FRMD5: variants seen among roughly 807,000 people sequenced by gnomAD.
FRMD5 encodes the protein FERM domain containing 5.
FRMD5 carries 20 observed loss-of-function variants against 69.0 expected under a neutral mutation model. That is an observed-to-expected ratio of 0.29 (90% confidence interval 0.20 to 0.42). FRMD5 has a LOEUF of 0.42. FRMD5 is among the 10% of genes least tolerant of loss of function. The pLI is 1.00. For synonymous variants in FRMD5, 271 were observed against 260.1 expected (o/e 1.04, Z -0.40); for missense variants, 595 against 708.6 (o/e 0.84, Z 1.82).
chr15:44,090,071 T>A (rs772822148), intron 1 of FRMD5, among the ~76,000 whole-genome samples: 1 of 152,140 alleles, frequency 6.6e-6, no homozygotes, highest in Admixed American at 6.6e-5. Flanking sequence ...ACTTAATCTA[T>A]GTTTAGGGAG....
intron 1 of FRMD5, among the ~76,000 whole-genome samples, chr15:44,133,987 G>C (rs1157230676): frequency 6.6e-6 from 1 of 152,122 alleles, no homozygotes; most frequent in Non-Finnish European, 1.5e-5. Flanking sequence ...GAATAAAAGG[G>C]AGAGAACTCT....
At chr15:44,147,399 G>A (rs138790325) in intron 1 of FRMD5, among the ~76,000 whole-genome samples, 4,899 of 152,138 alleles carry the variant, frequency 0.032, 243 homozygotes, top group African/African-American at 0.1. Context: ...GTTTCAAGTC[G>A]GGTAGCGTGA....
intron 1 of FRMD5, chr15:44,194,548 C>A: frequency 3.3e-6 from 1 of 304,222 alleles, no homozygotes. Context: ...GCCATACGTC[C>A]TTGCCCGGGC....
At chr15:44,062,935 C>T (rs902423130) in intron 1 of FRMD5, among the ~76,000 whole-genome samples, 1 of 152,084 alleles carries the variant, frequency 6.6e-6, no homozygotes, top group African/African-American at 2.4e-5. Context: ...ATATGTGGGT[C>T]CATTTCTGGA....
intron 1 of FRMD5, among the ~76,000 whole-genome samples, chr15:43,926,703 C>T (rs530993164): frequency 6.6e-6 from 1 of 151,708 alleles, no homozygotes; most frequent in African/African-American, 2.4e-5. Flanking sequence ...GTGGGCAACA[C>T]CCCTCCTCTT....
intron 1 of FRMD5, among the ~76,000 whole-genome samples, chr15:44,033,015 A>G (rs1049506058): frequency 1.3e-5 from 2 of 152,244 alleles, no homozygotes; most frequent in African/African-American, 4.8e-5. Context: ...ACACCATGGA[A>G]TACTATGCAG....
intron 13 of FRMD5, among the ~76,000 whole-genome samples, chr15:43,881,850 A>G (rs1484136630): frequency 6.6e-6 from 1 of 152,206 alleles, no homozygotes; most frequent in Non-Finnish European, 1.5e-5. Flanking sequence ...ACAGTGACAC[A>G]TCCTAAAATC....
intron 4 of FRMD5, among the ~76,000 whole-genome samples, chr15:43,915,927 C>T (rs897760427): frequency 6.6e-6 from 1 of 152,062 alleles, no homozygotes; most frequent in African/African-American, 2.4e-5. Flanking sequence ...TGAGGCTGGG[C>T]CCGGTATCTC....
chr15:44,097,676 T>C (rs768870452), intron 1 of FRMD5, among the ~76,000 whole-genome samples: 2 of 152,176 alleles, frequency 1.3e-5, no homozygotes, highest in African/African-American at 4.8e-5. Context: ...TAGTAATTTG[T>C]CTAATGTGTG....
chr15:44,044,190 T>C (rs1892329286), intron 1 of FRMD5, among the ~76,000 whole-genome samples: 1 of 152,148 alleles, frequency 6.6e-6, no homozygotes, highest in South Asian at 2.1e-4. Context: ...TCACTGGTCA[T>C]TAGAGAAATG....
intron 1 of FRMD5, among the ~76,000 whole-genome samples, chr15:44,062,037 G>A (rs955341192): frequency 6.6e-6 from 1 of 152,146 alleles, no homozygotes; most frequent in Admixed American, 6.5e-5. Context: ...GAAATTGTAG[G>A]TTAGATACAA....
At chr15:43,877,862 C>T (rs2088408028) in intron 13 of FRMD5, among the ~76,000 whole-genome samples, 1 of 152,232 alleles carries the variant, frequency 6.6e-6, no homozygotes, top group African/African-American at 2.4e-5. Context: ...ATCCAAGCCG[C>T]TTTCTAGTTC....
At chr15:44,143,735 C>G (rs913883556) in intron 1 of FRMD5, among the ~76,000 whole-genome samples, 1 of 151,258 alleles carries the variant, frequency 6.6e-6, no homozygotes, top group Non-Finnish European at 1.5e-5. Context: ...ACCATCCTGG[C>G]TAACGCGGTG....
intron 6 of FRMD5, 102 bp downstream of exon 6, chr15:43,905,726 T>C (rs530190518): frequency 4.2e-6 from 6 of 1,433,848 alleles, no homozygotes; most frequent in Middle Eastern, 2.5e-4. Context: ...CATCACTCTG[T>C]GTCAGTAAAC....
chr15:43,890,665 A>G (rs912766443), intron 8 of FRMD5, among the ~76,000 whole-genome samples: 1 of 152,212 alleles, frequency 6.6e-6, no homozygotes, highest in African/African-American at 2.4e-5. Flanking sequence ...CCCAGAGAGC[A>G]CAGTGAAGTG....
intron 1 of FRMD5, among the ~76,000 whole-genome samples, chr15:43,947,497 T>G (rs940042735): frequency 6.6e-6 from 1 of 152,230 alleles, no homozygotes; most frequent in African/African-American, 2.4e-5. Flanking sequence ...TTTGAAATTT[T>G]AAATTTAATT....
chr15:43,924,361 C>CTTTT, intron 1 of FRMD5, 52 bp from the exon 2 acceptor site: 7 of 1,081,490 alleles, frequency 6.5e-6, no homozygotes, highest in African/African-American at 1.7e-5. Context: ...TTCAGTGTAA[C>CTTTT]TTTTTTTTTT....
At chr15:43,925,027 T>A (rs1386262673) in intron 1 of FRMD5, among the ~76,000 whole-genome samples, 1 of 142,786 alleles carries the variant, frequency 7.0e-6, no homozygotes, top group Non-Finnish European at 1.5e-5. Flanking sequence ...TTTTTTGAGA[T>A]GGAGTCTCGT....
chr15:43,940,300 C>T (rs1355859593), intron 1 of FRMD5, among the ~76,000 whole-genome samples: 1 of 152,224 alleles, frequency 6.6e-6, no homozygotes, highest in Non-Finnish European at 1.5e-5. Context: ...CATCCCTGCA[C>T]TCCAAGAAAG....
Sources: gnomAD v4.1 joint callset for allele counts (sites outside exome capture counted in the v4.1 genomes callset) on GRCh38, gnomAD v4.1.1 for gene constraint, MANE v1.5 for transcripts, NCBI Gene and HGNC (gene_info 2026-07-23, HGNC 2026-07-21) for gene names.